TMEM255B: variants seen among roughly 807,000 people sequenced by gnomAD.
The protein encoded by TMEM255B is transmembrane protein 255B, also known as family with sequence similarity 70, member B.
In TMEM255B, 35 loss-of-function variants were observed where a neutral mutation model predicts 34.5. The observed-to-expected ratio is 1.01, with a 90% CI of 0.77 to 1.34. The LOEUF (loss-of-function observed/expected upper bound fraction) is 1.34. TMEM255B is among the 40% of genes most tolerant of loss of function. The pLI is 0.00. For synonymous variants in TMEM255B, 206 were observed against 201.2 expected, an observed-to-expected ratio of 1.02 and a Z score of -0.20; for missense variants, 432 against 433.2, an observed-to-expected ratio of 1.00 and a Z score of 0.02.
At chr13:113,800,142 T>C (rs1594158700) in intron 5 of TMEM255B, 2 of 863,894 alleles carry the variant, frequency 2.3e-6, no homozygotes, top group Admixed American at 7.0e-5. Flanking sequence ...AGGGGGGAGG[T>C]GTCCTGTGTG....
chr13:113,795,684 AG>A (rs2050913563), intron 4 of TMEM255B, among the ~76,000 whole-genome samples: 1 of 144,794 alleles, frequency 6.9e-6, no homozygotes, highest in African/African-American at 2.6e-5. Flanking sequence ...CAACACACAG[AG>A]CACACAGCAC....
At chr13:113,799,059 C>A (rs1357653799) in intron 4 of TMEM255B, among the ~76,000 whole-genome samples, 2 of 152,242 alleles carry the variant, frequency 1.3e-5, no homozygotes, top group African/African-American at 4.8e-5. Flanking sequence ...AAGCACCTGT[C>A]TCCCTTCTGC....
At chr13:113,775,057 C>CCACACACCA (rs545256063) in intron 3 of TMEM255B, among the ~76,000 whole-genome samples, 10,482 of 81,792 alleles carry the variant, frequency 0.13, 1,240 homozygotes, top group African/African-American at 0.39. Flanking sequence ...ACACAACACA[C>CCACACACCA]CACACACCAC....
chr13:113,807,711 G>A (rs1198850951), intron 8 of TMEM255B, among the ~76,000 whole-genome samples: 5 of 133,344 alleles, frequency 3.7e-5, no homozygotes, highest in Admixed American at 2.3e-4. Context: ...TGTGGGGGTG[G>A]TCCTCCCTGT....
At chr13:113,798,369 A>G (rs548593011) in intron 4 of TMEM255B, among the ~76,000 whole-genome samples, 1 of 151,616 alleles carries the variant, frequency 6.6e-6, no homozygotes, top group South Asian at 2.1e-4. Flanking sequence ...GAATAGAAGG[A>G]TGGATAATGG....
At chr13:113,787,447 G>T (rs565468175) in intron 3 of TMEM255B, among the ~76,000 whole-genome samples, 10 of 152,292 alleles carry the variant, frequency 6.6e-5, no homozygotes, top group Admixed American at 5.2e-4. Context: ...TCTCTTCTCC[G>T]TTTGCTCACA....
Position 113,811,955 on chromosome 13 carries a change from G to A in TMEM255B, c.*52G>A. 2 of 1,522,728 alleles carry A rather than the reference G, an allele frequency of 1.3e-6. No individual in the cohort carries two copies. Among genetic ancestry groups the A allele is most frequent in the Non-Finnish European group, 1.8e-6 (2 of 1,137,468 alleles). 94.3% of individuals were successfully genotyped at this position (1,522,728 alleles called of 1,614,324 possible). ...GTTTGTTTTTTTTTTTAAAAAAAAGGCAGCCTCTAGAAATCCCGCTTCTGT... is the reference window on the plus strand; with the variant it reads ...GTTTGTTTTTTTTTTTAAAAAAAAGACAGCCTCTAGAAATCCCGCTTCTGT... On this transcript the variant is annotated 3_prime_UTR_variant, in exon 9 of 9. Coordinates refer to ENST00000375353, the MANE Select transcript of TMEM255B (RefSeq NM_182614.4).
intron 1 of TMEM255B, among the ~76,000 whole-genome samples, chr13:113,765,523 T>C (rs1465037814): frequency 6.6e-6 from 1 of 151,658 alleles, no homozygotes; most frequent in Non-Finnish European, 1.5e-5. Context: ...TTCAAACTCT[T>C]GGAGTAGGAA....
chr13:113,760,551 C>A (rs1345461062), intron 1 of TMEM255B, among the ~76,000 whole-genome samples: 1 of 151,194 alleles, frequency 6.6e-6, no homozygotes, highest in African/African-American at 2.4e-5. Context: ...TGGTCTTTTA[C>A]TAAAATGTAT....
In TMEM255B at chr13:113,782,674, G is replaced by GC. The variant is rs1566729222; in HGVS notation, c.253-12474_253-12473insC. On this transcript the variant is annotated intron_variant, in intron 3 of 8. Coordinates refer to ENST00000375353, the MANE Select transcript of TMEM255B (RefSeq NM_182614.4). ...ATGAGATTTCCTCCTGTGATGGTCGGAGGGGGGGGCTTCATTATGAGCCCC... is the reference window on the plus strand; with the variant it reads ...ATGAGATTTCCTCCTGTGATGGTCGGCAGGGGGGGGCTTCATTATGAGCCCC... Among the ~76,000 whole-genome samples, 57 of 150,626 alleles carry GC rather than the reference G, an allele frequency of 3.8e-4. 1 individual carries two copies. The highest frequency in any genetic ancestry group is 8.6e-4 in the Admixed American group (13 of 15,152).
intron 1 of TMEM255B, among the ~76,000 whole-genome samples, chr13:113,759,536 C>T (rs1594606985): frequency 6.9e-6 from 1 of 145,880 alleles, no homozygotes; most frequent in Admixed American, 6.7e-5. Context: ...TTCTCTCTCC[C>T]TGTCTCTCTC....
intron 8 of TMEM255B, among the ~76,000 whole-genome samples, chr13:113,808,876 GTGGTTCCTGGGGGTTTGCTCCA>G: frequency 7.3e-6 from 1 of 137,322 alleles, no homozygotes; most frequent in African/African-American, 2.8e-5. Context: ...GATTTATGCT[GTGGTTCCTGGGGGTTTGCTCCA>G]TGGTTCCTGG....
chr13:113,797,881 A>G (rs769152502), intron 4 of TMEM255B, among the ~76,000 whole-genome samples: 3 of 152,234 alleles, frequency 2.0e-5, no homozygotes, highest in Non-Finnish European at 2.9e-5. Context: ...GTCCTCTACC[A>G]TAGCAATTAT....
Position 113,801,725 on chromosome 13 carries a change from C to T in TMEM255B, c.582C>T (p.Arg194=). The T allele has an allele frequency of 6.2e-7, 1 of 1,613,168 alleles. No individual in the cohort carries two copies. The highest frequency in any genetic ancestry group is 8.5e-7 in the Non-Finnish European group (1 of 1,179,798). The change falls in exon 7 of 9, where the codon CGC becomes CGT. Residue 194 remains arginine, a synonymous_variant. Coordinates refer to ENST00000375353, the MANE Select transcript of TMEM255B (RefSeq NM_182614.4). The part of the protein sequence containing the change: ...SGCQDVLHLY[R]LLWASAVLNV... ...GCCAGGACGTGCTGCACCTGTACCG[C>T]CTGCTCTGGGCCTCTGCAGTTCTGA...
chr13:113,801,194 A>G (rs2051052986), intron 6 of TMEM255B, among the ~76,000 whole-genome samples: 1 of 152,208 alleles, frequency 6.6e-6, no homozygotes, highest in Admixed American at 6.5e-5. Context: ...TCACAGATGA[A>G]AAGACAGAGG....
rs112532252 is a variant in TMEM255B at position 113,793,393 on chromosome 13, C to T, written c.253-1755C>T. On this transcript the variant is annotated intron_variant, in intron 3 of 8. Transcript: ENST00000375353. ...TCTGATCTGCTGTGGAGGAAAGTTG[C>T]CTTAGAAGAAGGTGCCAGCAGGTGG... 5.4e-4 allele frequency among the ~76,000 whole-genome samples: 82 copies of T among 152,368 alleles called. 1 individual carries two copies. The highest frequency in any genetic ancestry group is 1.8e-3 in the African/African-American group (74 of 41,594).
chr13:113,799,900 G>T (rs755563280), intron 5 of TMEM255B: 2 of 1,206,852 alleles, frequency 1.7e-6, no homozygotes, highest in East Asian at 5.3e-5. Flanking sequence ...CTGTGACGGC[G>T]CTCTCTGTGT....
intron 3 of TMEM255B, among the ~76,000 whole-genome samples, chr13:113,784,223 G>A (rs2050706958): frequency 6.6e-6 from 1 of 152,116 alleles, no homozygotes; most frequent in African/African-American, 2.4e-5. Flanking sequence ...GAGGCCGAGG[G>A]TGTCTGTTTT....
rs1001224957 is a variant in TMEM255B, at chr13:113,812,281, C to T, written c.*378C>T. 1 of 263,938 alleles carries T rather than the reference C, an allele frequency of 3.8e-6. No homozygotes were observed. Among genetic ancestry groups the T allele is most frequent in the African/African-American group, 2.3e-5 (1 of 43,406 alleles). The allele number at this position is 263,938 out of a possible 1,614,324, so 16.3% of individuals were successfully genotyped here. ...CTGCCTGTGTGTTCTTGTTTGTGGACATGTGTTGTGCGTTACACGTTCGTG... is the reference window on the plus strand; with the variant it reads ...CTGCCTGTGTGTTCTTGTTTGTGGATATGTGTTGTGCGTTACACGTTCGTG... On this transcript the variant is annotated 3_prime_UTR_variant, in exon 9 of 9. Coordinates refer to ENST00000375353, the MANE Select transcript of TMEM255B (RefSeq NM_182614.4).
Sources: allele counts gnomAD v4.1 joint callset (sites outside exome capture counted in the v4.1 genomes callset), GRCh38; gene constraint gnomAD v4.1.1; transcripts MANE v1.5; gene names NCBI Gene and HGNC (gene_info 2026-07-23, HGNC 2026-07-21).